The following SAXO1 variants were observed in gnomAD, a reference collection of about 807,000 sequenced individuals.
SAXO1 encodes the protein 4930500O09Rik.
A neutral mutation model predicts 17.5 loss-of-function variants in SAXO1; 21 were observed. The observed-to-expected ratio is 1.20, with a 90% CI of 0.85 to 1.72. The LOEUF (loss-of-function observed/expected upper bound fraction) is 1.72. Ranked by LOEUF, SAXO1 falls within the 40% of genes most tolerant of loss-of-function variation. The probability of loss-of-function intolerance (pLI) is 0.00; values close to 1 mark genes in which losing one functional copy is unlikely to be tolerated. For missense variants in SAXO1, 843 were observed against 596.0 expected (o/e 1.41, Z -4.32); for synonymous variants, 274 against 216.5 (o/e 1.27, Z -2.33).
chr9:18,944,518 T>A (rs981669015), intron 2 of SAXO1, among the ~76,000 whole-genome samples: 8 of 152,222 alleles, frequency 5.3e-5, no homozygotes, highest in African/African-American at 1.9e-4. Flanking sequence ...CCCCTCTCTT[T>A]CTGTGGTACA....
intron 1 of SAXO1, among the ~76,000 whole-genome samples, chr9:18,983,794 C>G (rs956331314): frequency 2.0e-5 from 3 of 152,166 alleles, no homozygotes; most frequent in African/African-American, 7.2e-5. Flanking sequence ...CCCACTCCCA[C>G]GAATCACTAA....
chr9:18,996,517 G>C (rs940462577), intron 1 of SAXO1, among the ~76,000 whole-genome samples: 1 of 152,206 alleles, frequency 6.6e-6, no homozygotes, highest in Admixed American at 6.5e-5. Context: ...TGAAAATACA[G>C]TATTAAATCT....
At chr9:18,975,367 C>T (rs1372546871) in intron 1 of SAXO1, among the ~76,000 whole-genome samples, 3 of 152,208 alleles carry the variant, frequency 2.0e-5, no homozygotes, top group African/African-American at 7.2e-5. Context: ...CGATGTGGCA[C>T]ACCTGCTGCT....
At chr9:18,950,424 G>A (rs1831981133) in intron 2 of SAXO1, among the ~76,000 whole-genome samples, 1 of 151,696 alleles carries the variant, frequency 6.6e-6, no homozygotes, top group Non-Finnish European at 1.5e-5. Context: ...CCCAAAACTT[G>A]CTTTTCAGCA....
chr9:18,963,941 T>C (rs1412445535), intron 1 of SAXO1, among the ~76,000 whole-genome samples: 4 of 152,168 alleles, frequency 2.6e-5, no homozygotes, highest in Non-Finnish European at 4.4e-5. Flanking sequence ...TCATAAATAG[T>C]TCTTATTGAG....
intron 1 of SAXO1, among the ~76,000 whole-genome samples, chr9:18,965,933 G>A (rs545818319): frequency 2.0e-4 from 31 of 152,320 alleles, no homozygotes; most frequent in African/African-American, 6.7e-4. Flanking sequence ...TTGTAAGGCA[G>A]GGCTGGTAGT....
intron 3 of SAXO1, among the ~76,000 whole-genome samples, chr9:18,932,354 T>C (rs1831091304): frequency 6.6e-6 from 1 of 152,232 alleles, no homozygotes; most frequent in Non-Finnish European, 1.5e-5. Context: ...TAAAGGCTTA[T>C]TTCTGTACTC....
chr9:18,996,221 C>G (rs750713865), intron 1 of SAXO1, among the ~76,000 whole-genome samples: 1 of 152,212 alleles, frequency 6.6e-6, no homozygotes, highest in African/African-American at 2.4e-5. Flanking sequence ...TTATCAATCC[C>G]CTTTTCTTCT....
intron 1 of SAXO1, among the ~76,000 whole-genome samples, chr9:18,988,416 C>T (rs941069521): frequency 2.0e-5 from 3 of 152,198 alleles, no homozygotes; most frequent in African/African-American, 7.2e-5. Flanking sequence ...AATGTCCTTC[C>T]AAATCCTAAG....
intron 3 of SAXO1, 46 bp from the exon 4 acceptor site, chr9:18,929,101 C>G (rs759037998): frequency 6.3e-7 from 1 of 1,589,460 alleles, no homozygotes; most frequent in Admixed American, 1.7e-5. Context: ...TCAAGTCAAC[C>G]AACTTGCATA....
At chr9:19,002,362 G>GA (rs1316047483) in intron 1 of SAXO1, among the ~76,000 whole-genome samples, 2 of 152,168 alleles carry the variant, frequency 1.3e-5, no homozygotes, top group Non-Finnish European at 2.9e-5. Context: ...TCAAACAACA[G>GA]AAAAAGAGGG....
chr9:19,004,584 G>T (rs1430747231), intron 1 of SAXO1, among the ~76,000 whole-genome samples: 1 of 152,168 alleles, frequency 6.6e-6, no homozygotes, highest in Non-Finnish European at 1.5e-5. Flanking sequence ...GATGAAGCTG[G>T]AAACCATCAT....
chr9:19,007,433 T>G (rs1834531347), intron 1 of SAXO1, among the ~76,000 whole-genome samples: 2 of 152,238 alleles, frequency 1.3e-5, no homozygotes, highest in Non-Finnish European at 1.5e-5. Flanking sequence ...AAGTTCAACT[T>G]TTTAAAATAC....
intron 1 of SAXO1, among the ~76,000 whole-genome samples, chr9:18,968,048 T>A (rs1832797065): frequency 6.6e-6 from 1 of 152,204 alleles, no homozygotes; most frequent in Admixed American, 6.5e-5. Context: ...CGCCCCACCC[T>A]GCTTCTGCTC....
intron 3 of SAXO1, among the ~76,000 whole-genome samples, chr9:18,930,517 G>A (rs1407727486): frequency 2.8e-5 from 4 of 140,870 alleles, no homozygotes; most frequent in East Asian, 4.1e-4. Context: ...TTTTTTATTT[G>A]AGATGGAGTT....
upstream of SAXO1, among the ~76,000 whole-genome samples, chr9:19,037,992 T>C (rs1835983740): frequency 6.6e-6 from 1 of 152,166 alleles, no homozygotes; most frequent in South Asian, 2.1e-4. Context: ...TAAATGGCTG[T>C]GTATCATGAA....
intron 1 of SAXO1, among the ~76,000 whole-genome samples, chr9:19,039,786 T>A (rs893029454): frequency 4.6e-5 from 7 of 152,228 alleles, no homozygotes; most frequent in African/African-American, 1.7e-4. Flanking sequence ...TGGAGTGTGA[T>A]GGGGCCATCT....
intron 1 of SAXO1, 74 bp from the exon 2 acceptor site, chr9:18,951,011 C>A: frequency 7.1e-7 from 1 of 1,405,054 alleles, no homozygotes; most frequent in Non-Finnish European, 9.8e-7. Flanking sequence ...GTACTTCCGC[C>A]AAATGTGACT....
At chr9:19,006,593 G>C (rs899471688) in intron 1 of SAXO1, among the ~76,000 whole-genome samples, 1 of 152,180 alleles carries the variant, frequency 6.6e-6, no homozygotes, top group Non-Finnish European at 1.5e-5. Context: ...GTACAATAAA[G>C]GACACCAGGG....
Sources: allele counts gnomAD v4.1 joint callset (sites outside exome capture counted in the v4.1 genomes callset), GRCh38; gene constraint gnomAD v4.1.1; transcripts MANE v1.5; gene names NCBI Gene and HGNC (gene_info 2026-07-23, HGNC 2026-07-21).